The following ONECUT1 variants were observed in gnomAD, a reference collection of about 807,000 sequenced individuals.
ONECUT1 encodes hepatocyte nuclear factor 6.
A neutral mutation model predicts 25.6 loss-of-function variants in ONECUT1; 12 were observed. The observed-to-expected ratio is 0.47, with a 90% CI of 0.30 to 0.76. The LOEUF (loss-of-function observed/expected upper bound fraction) is 0.76, where lower values mean the gene tolerates loss of function less well. Among genes scored for constraint, ONECUT1 ranks in the 30% least tolerant of loss-of-function variants. The pLI is 0.07. For synonymous variants in ONECUT1, 285 were observed against 270.2 expected (o/e 1.05, Z -0.54); for missense variants, 620 against 651.2 (o/e 0.95, Z 0.52).
intron 1 of ONECUT1, among the ~76,000 whole-genome samples, chr15:52,782,463 T>C (rs1183896708): frequency 6.6e-6 from 1 of 152,248 alleles, no homozygotes; most frequent in Non-Finnish European, 1.5e-5. Flanking sequence ...GTGCACTAAA[T>C]CCATTCACAT....
At position 52,777,737 on chromosome 15, in the gene ONECUT1, C is replaced by CAAA. The variant is rs1555416122; in HGVS notation, c.1105+11040_1105+11042dup. On this transcript the variant is annotated intron_variant, in intron 1 of 1. Transcript: ENST00000305901. ...ACACACACACACACACACACACACA[C>CAAA]AAAAAAACATGTAAAGTTATTTGTT... Among the ~76,000 whole-genome samples, 136 of 103,442 alleles carry CAAA rather than the reference C, an allele frequency of 1.3e-3. 14 individuals are homozygous for CAAA. The highest frequency in any genetic ancestry group is 5.6e-3 in the African/African-American group (127 of 22,572). 67.9% of individuals were successfully genotyped at this position (103,442 alleles called of 152,430 possible).
intron 1 of ONECUT1, among the ~76,000 whole-genome samples, chr15:52,759,234 T>C (rs532167636): frequency 6.6e-6 from 1 of 152,346 alleles, no homozygotes; most frequent in Non-Finnish European, 1.5e-5. Context: ...CCTCTGTGTA[T>C]TCCAGGTTCT....
intron 1 of ONECUT1, among the ~76,000 whole-genome samples, chr15:52,773,759 G>A (rs1208866472): frequency 6.6e-6 from 1 of 152,156 alleles, no homozygotes. Context: ...GAGGGAAAGG[G>A]CTCTCGTCAG....
chr15:52,780,652 TC>T, intron 1 of ONECUT1: 5 of 1,534,796 alleles, frequency 3.3e-6, no homozygotes, highest in Non-Finnish European at 4.4e-6. Flanking sequence ...GCCACTCCTC[TC>T]ACGCACTTCA....
In ONECUT1 at chr15:52,757,680, C is replaced by G; in HGVS notation, c.1273G>C (p.Glu425Gln). The change falls in exon 2 of 2, where the codon GAG becomes CAG. Residue 425 changes from glutamate to glutamine, a missense_variant. Coordinates refer to ENST00000305901, the MANE Select transcript of ONECUT1 (RefSeq NM_004498.4). ...AAGAAGTTGCTGACAGTGCTCAGCTCCAACCCCAGCTGCTGGGAAATGGTG... is the reference window on the plus strand; with the variant it reads ...AAGAAGTTGCTGACAGTGCTCAGCTGCAACCCCAGCTGCTGGGAAATGGTG... ...QITISQQLGL[E>Q]LSTVSNFFMN... 1 of 1,614,094 alleles carries G rather than the reference C, an allele frequency of 6.2e-7. No individual in the cohort carries two copies. Among genetic ancestry groups the G allele is most frequent in the Non-Finnish European group, 8.5e-7 (1 of 1,180,006 alleles).
rs1555415971 is a variant in ONECUT1 at position 52,775,467 on chromosome 15, A to ACT, written c.1105+13312_1105+13313insAG. Among the ~76,000 whole-genome samples, 5 of 151,556 alleles carry ACT rather than the reference A, an allele frequency of 3.3e-5. No individual in the cohort carries two copies. In the East Asian group the frequency reaches 9.7e-4, roughly 29 times the overall value. On this transcript the variant is annotated intron_variant, in intron 1 of 1. Coordinates refer to ENST00000305901, the MANE Select transcript of ONECUT1 (RefSeq NM_004498.4). ...TTTAAAGAGGAACACACACACACAC[A>ACT]CACACACACACACACACACACACAC...
rs1362995793 is a variant in ONECUT1, at chr15:52,790,220, C to T, written c.-336G>A. Among the ~76,000 whole-genome samples the T allele has an allele frequency of 5.9e-5, 9 of 151,564 alleles. No homozygotes were observed. Among genetic ancestry groups the T allele is most frequent in the East Asian group, 3.9e-4 (2 of 5,156 alleles). On this transcript the variant is annotated 5_prime_UTR_variant, in exon 1 of 2. Coordinates refer to ENST00000305901, the MANE Select transcript of ONECUT1 (RefSeq NM_004498.4). ...GCCCGCCCGCCTCGGCCACCTCTCGCCCCTCTCTTTCTTAAAATTCTGAGG... is the reference window on the plus strand; with the variant it reads ...GCCCGCCCGCCTCGGCCACCTCTCGTCCCTCTCTTTCTTAAAATTCTGAGG...
intron 1 of ONECUT1, among the ~76,000 whole-genome samples, chr15:52,763,331 G>A (rs1210666109): frequency 6.6e-6 from 1 of 152,054 alleles, no homozygotes; most frequent in Non-Finnish European, 1.5e-5. Flanking sequence ...CATGAAAGAT[G>A]GTAAAAGTCA....
intron 1 of ONECUT1, among the ~76,000 whole-genome samples, chr15:52,779,468 G>A (rs1469834627): frequency 1.3e-5 from 2 of 152,074 alleles, no homozygotes; most frequent in African/African-American, 2.4e-5. Context: ...TTATAAAGAC[G>A]GGTGATATTA....
Position 52,777,744 on chromosome 15 carries a change from A to AAC in ONECUT1, c.1105+11035_1105+11036insGT, listed in dbSNP as rs753677708. ...CACACACACACACACACACAAAAAA[A>AAC]CATGTAAAGTTATTTGTTCTCTTCC... On this transcript the variant is annotated intron_variant, in intron 1 of 1. Transcript: ENST00000305901. Among the ~76,000 whole-genome samples, 256 of 146,858 alleles carry AAC rather than the reference A, an allele frequency of 1.7e-3. 5 individuals carry two copies. Among genetic ancestry groups the AAC allele is most frequent in the Non-Finnish European group, 3.0e-3 (201 of 66,092 alleles).
intron 1 of ONECUT1, among the ~76,000 whole-genome samples, chr15:52,770,587 G>C (rs2083761141): frequency 6.6e-6 from 1 of 152,180 alleles, no homozygotes; most frequent in South Asian, 2.1e-4. Flanking sequence ...TCGCCTGGGA[G>C]CACAAAGGGG....
At chr15:52,774,122 T>TAC (rs35891922) in intron 1 of ONECUT1, among the ~76,000 whole-genome samples, 24,645 of 137,452 alleles carry the variant, frequency 0.18, 2,269 homozygotes, top group African/African-American at 0.27. Context: ...ATTGGAAGGA[T>TAC]ACACACACAC....
Position 52,789,637 on chromosome 15 carries a change from AG to A in ONECUT1, c.247del (p.Leu83CysfsTer5). ...RAPEHSLAGP[L>X]HPTMTMACET... ...GCAGGCCATGGTCATGGTGGGATGC[AG>A]GGGGCCGGCCAGGCTGTGCTCAGGG... On this transcript the variant is annotated frameshift_variant, in exon 1 of 2. Transcript: ENST00000305901. LOFTEE classifies it high-confidence loss of function. The surrounding 1 kb of genome is among the most constrained non-coding windows in gnomAD (Gnocchi z 4.1). The A allele has an allele frequency of 1.9e-6, 3 of 1,552,482 alleles. No homozygotes were observed. Among genetic ancestry groups the A allele is most frequent in the Non-Finnish European group, 1.7e-6 (2 of 1,149,164 alleles).
rs1029420381 is a variant in ONECUT1, at chr15:52,777,917, T to C, written c.1105+10863A>G. Among the ~76,000 whole-genome samples the C allele has an allele frequency of 2.0e-5, 3 of 152,198 alleles. No homozygotes were observed. In the East Asian group the frequency reaches 5.8e-4, roughly 29 times the overall value. ...ATGAAATTCCCTCTTTTACTTATTT[T>C]ATCCTCCCGTCCAAAAATGGCTGAA... On this transcript the variant is annotated intron_variant, in intron 1 of 1. Coordinates refer to ENST00000305901, the MANE Select transcript of ONECUT1 (RefSeq NM_004498.4).
intron 1 of ONECUT1, among the ~76,000 whole-genome samples, chr15:52,767,655 T>C (rs937531982): frequency 3.3e-5 from 5 of 152,166 alleles, no homozygotes; most frequent in Non-Finnish European, 5.9e-5. Flanking sequence ...GTTTGGTCAG[T>C]AGCAAAGGGC....
rs772516934 is a variant in ONECUT1 at position 52,789,519 on chromosome 15, G to A, written c.366C>T (p.Phe122=). 8.1e-6 allele frequency: 13 copies of A among 1,608,764 alleles called. No individual in the cohort carries two copies. In the South Asian group the frequency reaches 1.4e-4, roughly 18 times the overall value. ...GATGGTGGTGGTGGTGATGGTGGGG[G>A]AACTTGTCCGAGACTGTGGAGATGG... is the stretch of plus-strand genomic sequence containing the variant. The part of the protein sequence containing the change: ...LPPISTVSDK[F]PHHHHHHHHH... Residue 122 remains phenylalanine (F), a synonymous_variant, in exon 1 of 2, where the codon TTC becomes TTT. Transcript: ENST00000305901. This position sits in a 1 kb window ranked among gnomAD's most constrained non-coding sequence, Gnocchi z 4.1.
chr15:52,756,666 C>T lies in ONECUT1; in HGVS notation c.*889G>A, dbSNP rs2083675334. Among the ~76,000 whole-genome samples, 1 of 152,212 alleles carries T rather than the reference C, an allele frequency of 6.6e-6. No individual in the cohort carries two copies. The highest frequency in any genetic ancestry group is 2.4e-5 in the African/African-American group (1 of 41,440). On this transcript the variant is annotated 3_prime_UTR_variant, in exon 2 of 2. Coordinates refer to ENST00000305901, the MANE Select transcript of ONECUT1 (RefSeq NM_004498.4). ...TTAATTGCTTCCCTGAAGCTACATT[C>T]TTTCTTGCCAGTTCTGAAAACTCAT...
intron 1 of ONECUT1, among the ~76,000 whole-genome samples, chr15:52,777,106 A>G (rs1340919420): frequency 6.6e-6 from 1 of 152,204 alleles, no homozygotes; most frequent in Non-Finnish European, 1.5e-5. Context: ...TATTCCTCTA[A>G]GGATCTTGAA....
In ONECUT1 at chr15:52,756,311, G is replaced by A. The variant is rs1250811686; in HGVS notation, c.*1244C>T. On this transcript the variant is annotated 3_prime_UTR_variant, in exon 2 of 2. Transcript: ENST00000305901. Reference sequence around the variant, plus strand: ...AATGTTGTTTTTTTAAACTTTATTTGTATTTGTAAAGTATTTAAAAGAGGT... The same window carrying A: ...AATGTTGTTTTTTTAAACTTTATTTATATTTGTAAAGTATTTAAAAGAGGT... 5.3e-5 allele frequency among the ~76,000 whole-genome samples: 8 copies of A among 152,090 alleles called. No homozygotes were observed. In the East Asian group the frequency reaches 1.5e-3, roughly 29 times the overall value.
Sources: gnomAD v4.1 joint callset for allele counts (sites outside exome capture counted in the v4.1 genomes callset) on GRCh38, gnomAD v4.1.1 for gene constraint, Gnocchi (gnomAD v3.1) non-coding constraint, MANE v1.5 for transcripts, NCBI Gene and HGNC (gene_info 2026-07-23, HGNC 2026-07-21) for gene names.